Variants in SPATA16 observed in about 807,000 individuals in gnomAD.
SPATA16 encodes spermatogenesis associated 16, also known as spermatogenesis-associated protein 16.
SPATA16 carries 36 observed loss-of-function variants against 63.3 expected under a neutral mutation model. That is an observed-to-expected ratio of 0.57 (90% confidence interval 0.44 to 0.75). SPATA16 has a LOEUF of 0.75. SPATA16 is among the 30% of genes least tolerant of loss of function. The pLI is 0.00. For missense variants in SPATA16, 646 were observed against 679.3 expected, an observed-to-expected ratio of 0.95 and a Z score of 0.54; for synonymous variants, 203 against 216.7, an observed-to-expected ratio of 0.94 and a Z score of 0.56.
intron 2 of SPATA16, among the ~76,000 whole-genome samples, chr3:173,051,510 A>G (rs1406669434): frequency 1.3e-5 from 2 of 151,792 alleles, no homozygotes; most frequent in Non-Finnish European, 2.9e-5. Flanking sequence ...CAATTTTTGT[A>G]TTTTCAGTAC....
intron 5 of SPATA16, among the ~76,000 whole-genome samples, chr3:172,975,861 G>GAGAGACATATA: frequency 1.3e-5 from 2 of 151,722 alleles, no homozygotes; most frequent in East Asian, 3.9e-4. Context: ...ATCTAACAAA[G>GAGAGACATATA]ATAACATATA....
intron 2 of SPATA16, among the ~76,000 whole-genome samples, chr3:173,081,578 T>G (rs1045908273): frequency 6.6e-6 from 1 of 152,132 alleles, no homozygotes; most frequent in African/African-American, 2.4e-5. Flanking sequence ...AGGGGGCAAT[T>G]TTATGAAACT....
intron 5 of SPATA16, among the ~76,000 whole-genome samples, chr3:172,959,460 C>G (rs1016227831): frequency 6.6e-6 from 1 of 152,146 alleles, no homozygotes; most frequent in East Asian, 1.9e-4. Flanking sequence ...CACTGAGAAC[C>G]AATAGAGATG....
At chr3:173,000,673 G>A (rs1324820316) in intron 4 of SPATA16, among the ~76,000 whole-genome samples, 1 of 147,952 alleles carries the variant, frequency 6.8e-6, no homozygotes, top group Non-Finnish European at 1.5e-5. Context: ...ACACATATGT[G>A]ACATCCTTTT....
At chr3:173,020,133 TAA>T in intron 3 of SPATA16, among the ~76,000 whole-genome samples, 1 of 151,836 alleles carries the variant, frequency 6.6e-6, no homozygotes, top group Middle Eastern at 3.4e-3. Context: ...CTGTCTCTAC[TAA>T]AAAATACAAA....
chr3:173,082,348 C>T (rs1736943146), intron 2 of SPATA16, among the ~76,000 whole-genome samples: 2 of 152,218 alleles, frequency 1.3e-5, no homozygotes, highest in South Asian at 2.1e-4. Flanking sequence ...CCTTGGAGTT[C>T]TGTGCAGGAA....
intron 4 of SPATA16, among the ~76,000 whole-genome samples, chr3:172,991,123 C>T (rs1734567249): frequency 6.6e-6 from 1 of 152,014 alleles, no homozygotes; most frequent in Admixed American, 6.6e-5. Context: ...CCTTGATGTC[C>T]TAGGGTAATT....
At chr3:173,107,219 G>T (rs1452035388) in intron 2 of SPATA16, among the ~76,000 whole-genome samples, 1 of 151,942 alleles carries the variant, frequency 6.6e-6, no homozygotes, top group East Asian at 1.9e-4. Flanking sequence ...ATAAACTGTG[G>T]TTGATTTCTT....
At chr3:173,057,106 TTTTCTTTTC>T (rs1220218639) in intron 2 of SPATA16, among the ~76,000 whole-genome samples, 13 of 140,364 alleles carry the variant, frequency 9.3e-5, no homozygotes, top group African/African-American at 3.2e-4. Context: ...TTTTCTTTTC[TTTTCTTTTC>T]TTTTTTTTTT....
intron 4 of SPATA16, among the ~76,000 whole-genome samples, chr3:172,983,778 G>A (rs1734377273): frequency 6.6e-6 from 1 of 151,536 alleles, no homozygotes; most frequent in South Asian, 2.1e-4. Context: ...CACACACAAA[G>A]CATCTTTATC....
At chr3:172,922,204 T>C (rs1560067577) in intron 8 of SPATA16, among the ~76,000 whole-genome samples, 1 of 151,552 alleles carries the variant, frequency 6.6e-6, no homozygotes. Flanking sequence ...GATATATTTG[T>C]GATCCCTGGG....
intron 6 of SPATA16, among the ~76,000 whole-genome samples, chr3:172,954,684 A>G (rs902454760): frequency 5.3e-5 from 8 of 152,110 alleles, no homozygotes; most frequent in Non-Finnish European, 1.2e-4. Context: ...TGCCTGGGGG[A>G]AAAAGAGTTA....
At chr3:173,015,097 C>G (rs1369788193) in intron 4 of SPATA16, among the ~76,000 whole-genome samples, 1 of 145,634 alleles carries the variant, frequency 6.9e-6, no homozygotes. Context: ...GAGTTTCACT[C>G]TCATCGCCCA....
chr3:172,996,217 G>A (rs1734689922), intron 4 of SPATA16, among the ~76,000 whole-genome samples: 1 of 152,022 alleles, frequency 6.6e-6, no homozygotes, highest in Non-Finnish European at 1.5e-5. Flanking sequence ...GGTACGTGAT[G>A]GTGATGTCTT....
At chr3:172,913,056 A>G (rs1000899194) in intron 10 of SPATA16, among the ~76,000 whole-genome samples, 1 of 152,170 alleles carries the variant, frequency 6.6e-6, no homozygotes, top group Non-Finnish European at 1.5e-5. Flanking sequence ...TCAGAACTTA[A>G]TACTTTGAGT....
At chr3:173,005,288 C>T (rs1417421173) in intron 4 of SPATA16, among the ~76,000 whole-genome samples, 3 of 142,226 alleles carry the variant, frequency 2.1e-5, no homozygotes, top group Admixed American at 7.3e-5. Flanking sequence ...TGCGCTACTG[C>T]ACTCCAGCCT....
rs374124613 is a variant in SPATA16 at position 172,951,495 on chromosome 3, TTA to T, written c.1081+5180_1081+5181del. The stretch of plus-strand genomic sequence containing the variant: ...TAATGCGATTGGCTTATTTGATAAT[TTA>T]AAAAAAAAAAAATTTAAACCTAAAT... On this transcript the variant is annotated intron_variant, in intron 6 of 10. Transcript: ENST00000351008. Among the ~76,000 whole-genome samples the T allele has an allele frequency of 3.9e-4, 55 of 140,094 alleles. 1 individual carries two copies. In the South Asian group the frequency reaches 5.2e-3, roughly 13 times the overall value. 91.9% of individuals were successfully genotyped at this position (140,094 alleles called of 152,430 possible). A position where few individuals can be genotyped will look rare whatever the true frequency, so the allele number is the denominator to read the frequency against.
chr3:172,995,636 GCTT>G (rs1332975576), intron 4 of SPATA16, among the ~76,000 whole-genome samples: 2 of 152,160 alleles, frequency 1.3e-5, no homozygotes, highest in African/African-American at 4.8e-5. Flanking sequence ...TTAAGTCTTG[GCTT>G]TCAAATTTGA....
At chr3:172,971,722 C>G (rs1397645328) in intron 5 of SPATA16, among the ~76,000 whole-genome samples, 7 of 152,130 alleles carry the variant, frequency 4.6e-5, no homozygotes, top group Non-Finnish European at 8.8e-5. Context: ...TAAGAAGACT[C>G]TGGACACTAT....
Sources: gnomAD v4.1 joint callset for allele counts (sites outside exome capture counted in the v4.1 genomes callset) on GRCh38, gnomAD v4.1.1 for gene constraint, MANE v1.5 for transcripts, NCBI Gene and HGNC (gene_info 2026-07-23, HGNC 2026-07-21) for gene names.